Variants in PTH2R observed in about 807,000 individuals in gnomAD.
PTH2R encodes the protein PTH2 receptor.
A neutral mutation model predicts 60.3 loss-of-function variants in PTH2R; 59 were observed. The observed-to-expected ratio is 0.98, with a 90% CI of 0.79 to 1.22. The LOEUF (loss-of-function observed/expected upper bound fraction) is 1.22, where lower values mean the gene tolerates loss of function less well. Ranked by LOEUF, PTH2R falls within the 50% of genes most tolerant of loss-of-function variation. The probability of loss-of-function intolerance (pLI) is 0.00; values close to 1 mark genes in which losing one functional copy is unlikely to be tolerated. For synonymous variants in PTH2R, 256 were observed against 243.8 expected (o/e 1.05, Z -0.47); for missense variants, 749 against 682.6 (o/e 1.10, Z -1.08).
At chr2:208,402,071 C>G (rs531875974), upstream of PTH2R, among the ~76,000 whole-genome samples, 4 of 152,316 alleles carry the variant, frequency 2.6e-5, no homozygotes, top group Admixed American at 2.6e-4. Flanking sequence ...TTGAGGGACC[C>G]CAGTTCCTGC....
chr2:208,424,408 CTG>C (rs541994428), intron 1 of PTH2R, among the ~76,000 whole-genome samples: 87 of 152,250 alleles, frequency 5.7e-4, no homozygotes, highest in African/African-American at 2.0e-3. Context: ...ATGTAGTAAA[CTG>C]TGGTTTGGAA....
At chr2:208,397,550 G>C (rs1701234408) in intron 1 of PTH2R, among the ~76,000 whole-genome samples, 1 of 152,112 alleles carries the variant, frequency 6.6e-6, no homozygotes, top group Admixed American at 6.5e-5. Flanking sequence ...AGAAGGAAGA[G>C]GCTCCCTCTG....
At chr2:208,436,011 CAG>C (rs949783779) in intron 2 of PTH2R, among the ~76,000 whole-genome samples, 20 of 152,166 alleles carry the variant, frequency 1.3e-4, no homozygotes, top group African/African-American at 3.9e-4. Context: ...TGCAAGAGCA[CAG>C]AGAGTTGACA....
chr2:208,382,931 C>T (rs956169037), intron 1 of PTH2R, among the ~76,000 whole-genome samples: 1 of 152,258 alleles, frequency 6.6e-6, no homozygotes, highest in African/African-American at 2.4e-5. Flanking sequence ...AAGTTCCTTG[C>T]TCTGTCTTCC....
chr2:208,482,180 A>T (rs937009063), intron 10 of PTH2R, among the ~76,000 whole-genome samples: 1 of 152,182 alleles, frequency 6.6e-6, no homozygotes, highest in African/African-American at 2.4e-5. Context: ...ATCTTCCATA[A>T]GTCCTCGTTG....
intron 1 of PTH2R, among the ~76,000 whole-genome samples, chr2:208,396,287 C>A (rs1376916762): frequency 6.6e-6 from 1 of 152,120 alleles, no homozygotes; most frequent in Non-Finnish European, 1.5e-5. Context: ...AAAGTAATGG[C>A]AACAAAAGCC....
In PTH2R at chr2:208,493,989, C is replaced by A. The variant is rs1703476076; in HGVS notation, c.*330C>A. On this transcript the variant is annotated 3_prime_UTR_variant, in exon 13 of 13. Coordinates refer to ENST00000272847, the MANE Select transcript of PTH2R (RefSeq NM_005048.4). ...GGCTGTAGCTTTCTCTCATATATATCACCCTAAATATAATGAAGATCTTTT... is the reference window on the plus strand; with the variant it reads ...GGCTGTAGCTTTCTCTCATATATATAACCCTAAATATAATGAAGATCTTTT... The A allele has an allele frequency of 5.1e-6, 1 of 196,314 alleles. No individual in the cohort carries two copies. The highest frequency in any genetic ancestry group is 2.3e-5 in the African/African-American group (1 of 43,220). The allele number at this position is 196,314 out of a possible 1,614,324, so 12.2% of individuals were successfully genotyped here. A position where few individuals can be genotyped will look rare whatever the true frequency, so the allele number is the denominator to read the frequency against.
At chr2:208,489,183 T>C (rs1703346842) in intron 11 of PTH2R, 33 bp downstream of exon 11, 1 of 1,611,718 alleles carries the variant, frequency 6.2e-7, no homozygotes. Flanking sequence ...CTGATTCTTG[T>C]AATTTGCAGT....
chr2:208,449,447 A>ATAGAT (rs1419896563), intron 7 of PTH2R, among the ~76,000 whole-genome samples: 2 of 149,904 alleles, frequency 1.3e-5, no homozygotes, highest in Non-Finnish European at 2.9e-5. Flanking sequence ...TGATAGATAG[A>ATAGAT]TAGATAAATA....
At chr2:208,468,325 T>G (rs1366060044) in intron 9 of PTH2R, among the ~76,000 whole-genome samples, 1 of 152,204 alleles carries the variant, frequency 6.6e-6, no homozygotes, top group Admixed American at 6.5e-5. Flanking sequence ...TTTTAAGTGT[T>G]TTATGTACAT....
chr2:208,435,037 A>G (rs377333515), intron 2 of PTH2R, among the ~76,000 whole-genome samples: 20 of 152,210 alleles, frequency 1.3e-4, no homozygotes, highest in Admixed American at 3.3e-4. Flanking sequence ...TTGCTTCGGC[A>G]ATGCACAAAG....
chr2:208,390,056 G>A (rs1408933223), intron 1 of PTH2R, among the ~76,000 whole-genome samples: 4 of 152,118 alleles, frequency 2.6e-5, no homozygotes, highest in Admixed American at 6.6e-5. Context: ...CAGGAGAGGC[G>A]ATTCTGAAAG....
At chr2:208,459,171 A>T (rs1346435909) in intron 8 of PTH2R, among the ~76,000 whole-genome samples, 1 of 152,144 alleles carries the variant, frequency 6.6e-6, no homozygotes, top group Non-Finnish European at 1.5e-5. Flanking sequence ...ATGATATCTC[A>T]TTGTGGTTTT....
chr2:208,489,269 G>T, intron 11 of PTH2R, 119 bp downstream of exon 11: 1 of 1,301,314 alleles, frequency 7.7e-7, no homozygotes, highest in Non-Finnish European at 1.1e-6. Flanking sequence ...TGGGGAGTTG[G>T]GGGGTGCAGA....
intron 7 of PTH2R, among the ~76,000 whole-genome samples, chr2:208,447,588 A>G (rs1299680924): frequency 1.3e-4 from 7 of 55,416 alleles, no homozygotes; most frequent in African/African-American, 5.3e-4. Flanking sequence ...ACTCCATCTC[A>G]AAAAAAAAAC....
chr2:208,490,801 C>T, intron 12 of PTH2R, 121 bp downstream of exon 12: 5 of 857,478 alleles, frequency 5.8e-6, no homozygotes, highest in Non-Finnish European at 8.7e-6. Context: ...GAGAAGGAAG[C>T]TATTTTAATC....
rs1701753808 is a variant in PTH2R at position 208,421,403 on chromosome 2, AT to A, written c.76-6797del. Among the ~76,000 whole-genome samples the A allele has an allele frequency of 2.0e-5, 3 of 151,590 alleles. No homozygotes were observed. In the South Asian group the frequency reaches 6.3e-4, roughly 32 times the overall value. ...GTGTGTGTGTAGTGTCTGTGTGAGT[AT>A]GCATGCTTCCTTGTGTGTGTTTGTA... On this transcript the variant is annotated intron_variant, in intron 1 of 12. Coordinates refer to ENST00000272847, the MANE Select transcript of PTH2R (RefSeq NM_005048.4).
chr2:208,429,800 T>C (rs1701934202), intron 2 of PTH2R, among the ~76,000 whole-genome samples: 1 of 152,238 alleles, frequency 6.6e-6, no homozygotes, highest in African/African-American at 2.4e-5. Context: ...TAAACTTTTC[T>C]GTATATTTAC....
chr2:208,404,139 T>C (rs1701357462), upstream of PTH2R, among the ~76,000 whole-genome samples: 1 of 152,124 alleles, frequency 6.6e-6, no homozygotes. Context: ...AAGAAGAACA[T>C]TAAGTCTTAG....
Sources: gnomAD v4.1 joint callset for allele counts (sites outside exome capture counted in the v4.1 genomes callset) on GRCh38, gnomAD v4.1.1 for gene constraint, MANE v1.5 for transcripts, NCBI Gene and HGNC (gene_info 2026-07-23, HGNC 2026-07-21) for gene names.